The following SLC38A9 variants were observed in gnomAD, a reference collection of about 807,000 sequenced individuals.
SLC38A9 encodes the protein neutral amino acid transporter 9.
In SLC38A9, 48 loss-of-function variants were observed where a neutral mutation model predicts 62.3. That is an observed-to-expected ratio of 0.77 (90% CI 0.61 to 0.98). The LOEUF is 0.98. Among genes scored for constraint, SLC38A9 ranks in the 50% least tolerant of loss-of-function variants. SLC38A9 has a pLI of 0.00. For missense variants in SLC38A9, 541 were observed against 679.8 expected (o/e 0.80, Z 2.27); for synonymous variants, 204 against 227.7 (o/e 0.90, Z 0.94).
chr5:55,703,899 C>A (rs1756962958), intron 2 of SLC38A9: 1 of 152,164 alleles, frequency 6.6e-6, no homozygotes, highest in Non-Finnish European at 1.5e-5. Context: ...CCTGTAATCC[C>A]AGCACTTCGG....
In SLC38A9 at chr5:55,649,007, A is replaced by G. The variant is rs573724405; in HGVS notation, c.1060+200T>C. Among the ~76,000 whole-genome samples, 6 of 152,342 alleles carry G rather than the reference A, an allele frequency of 3.9e-5. No homozygotes were observed. The South Asian group carries it at 1.2e-3, about 32-fold the overall frequency. On this transcript the variant is annotated intron_variant, in intron 11 of 15. Transcript: ENST00000396865. ...CTATAACTTAAATGAATTTCAACTA[A>G]CAAGTAGAAATGACAAAGGGCCCTG... is the stretch of plus-strand genomic sequence containing the variant.
intron 11 of SLC38A9, among the ~76,000 whole-genome samples, chr5:55,647,114 AG>A (rs1746499273): frequency 6.6e-6 from 1 of 152,184 alleles, no homozygotes; most frequent in African/African-American, 2.4e-5. Context: ...AAGACTGGTG[AG>A]GGGGTATCCA....
At chr5:55,669,911 A>T in intron 4 of SLC38A9, 32 bp from the exon 5 acceptor site, 1 of 1,565,474 alleles carries the variant, frequency 6.4e-7, no homozygotes, top group Non-Finnish European at 8.6e-7. Flanking sequence ...TAAATTTCAG[A>T]ACCAGGAAAT....
chr5:55,640,993 C>T (rs540287806), intron 12 of SLC38A9, among the ~76,000 whole-genome samples: 18 of 152,030 alleles, frequency 1.2e-4, no homozygotes, highest in Non-Finnish European at 2.1e-4. Flanking sequence ...TGTGCCACCA[C>T]GCCCAGCTAA....
intron 8 of SLC38A9, among the ~76,000 whole-genome samples, chr5:55,663,540 A>T (rs1749982382): frequency 6.6e-6 from 1 of 152,042 alleles, no homozygotes; most frequent in South Asian, 2.1e-4. Context: ...GATCGAGAAC[A>T]GCCTGGCCAA....
intron 8 of SLC38A9, among the ~76,000 whole-genome samples, chr5:55,661,294 C>A (rs55703539): frequency 0.6 from 90,549 of 151,198 alleles, 27,701 homozygotes; most frequent in South Asian, 0.7. Flanking sequence ...AATACAAAAA[C>A]ATTAGCCAGG....
chr5:55,639,807 T>C (rs1745115095), intron 12 of SLC38A9, among the ~76,000 whole-genome samples: 1 of 152,178 alleles, frequency 6.6e-6, no homozygotes, highest in Non-Finnish European at 1.5e-5. Flanking sequence ...ATAGTCAAAG[T>C]GTTTAGAATG....
In SLC38A9 at chr5:55,626,435, G is replaced by T; in HGVS notation, c.*59C>A. 5.9e-6 allele frequency: 8 copies of T among 1,356,016 alleles called. No homozygotes were observed. Among genetic ancestry groups the T allele is most frequent in the South Asian group, 1.3e-5 (1 of 75,450 alleles). 84.0% of individuals were successfully genotyped at this position (1,356,016 alleles called of 1,614,324 possible). On this transcript the variant is annotated 3_prime_UTR_variant, in exon 16 of 16. Transcript: ENST00000396865. Reference sequence around the variant, plus strand: ...CAGCATTTACAAGTGAATTTATATAGAACTGTTGTCAAGGCTCAAAATATC... The same window carrying T: ...CAGCATTTACAAGTGAATTTATATATAACTGTTGTCAAGGCTCAAAATATC...
Position 55,694,399 on chromosome 5 carries a change from G to A in SLC38A9, c.113+3447C>T, listed in dbSNP as rs114589596. Among the ~76,000 whole-genome samples, 1,034 of 152,144 alleles carry A rather than the reference G, an allele frequency of 6.8e-3. 12 individuals carry two copies. The highest frequency in any genetic ancestry group is 0.024 in the African/African-American group (996 of 41,492). Reference sequence around the variant, plus strand: ...TTCTGGTAAGATCAGGAAAGTGCAAGCATCAAAACTTAAGTGTCAGTGACC... The same window carrying A: ...TTCTGGTAAGATCAGGAAAGTGCAAACATCAAAACTTAAGTGTCAGTGACC... On this transcript the variant is annotated intron_variant, in intron 3 of 15. Coordinates refer to ENST00000396865, the MANE Select transcript of SLC38A9 (RefSeq NM_173514.4).
At chr5:55,645,201 T>C (rs1308557045) in intron 12 of SLC38A9, among the ~76,000 whole-genome samples, 1 of 152,100 alleles carries the variant, frequency 6.6e-6, no homozygotes, top group Non-Finnish European at 1.5e-5. Flanking sequence ...GCTGGGACTA[T>C]AGGCATGTGC....
chr5:55,629,787 A>G (rs560065360), intron 14 of SLC38A9, among the ~76,000 whole-genome samples: 1 of 152,338 alleles, frequency 6.6e-6, no homozygotes, highest in South Asian at 2.1e-4. Flanking sequence ...TTCAAATAAA[A>G]ACTAGAATTT....
intron 3 of SLC38A9, among the ~76,000 whole-genome samples, chr5:55,679,095 T>G (rs947452702): frequency 6.6e-5 from 10 of 151,462 alleles, no homozygotes; most frequent in African/African-American, 2.4e-4. Flanking sequence ...TTTATCAAGA[T>G]TATGTCTTTC....
At chr5:55,697,816 T>C in intron 3 of SLC38A9, 30 bp downstream of exon 3, 2 of 1,181,854 alleles carry the variant, frequency 1.7e-6, no homozygotes, top group Non-Finnish European at 1.2e-6. Flanking sequence ...AGACCCTAAT[T>C]ATGAAATGTG....
chr5:55,661,182 C>G (rs1749458917), intron 8 of SLC38A9, among the ~76,000 whole-genome samples: 1 of 151,972 alleles, frequency 6.6e-6, no homozygotes, highest in Non-Finnish European at 1.5e-5. Flanking sequence ...CAGTGGCTCA[C>G]GCCTGTAATC....
At chr5:55,654,029 C>T (rs1030385179) in intron 9 of SLC38A9, among the ~76,000 whole-genome samples, 63 of 94,794 alleles carry the variant, frequency 6.6e-4, no homozygotes, top group Non-Finnish European at 1.5e-3. Context: ...ACCAGCCATT[C>T]TCATTGTTTC....
intron 11 of SLC38A9, among the ~76,000 whole-genome samples, chr5:55,646,429 T>C (rs1259185462): frequency 1.3e-5 from 2 of 152,158 alleles, no homozygotes; most frequent in East Asian, 1.9e-4. Flanking sequence ...TTTGAGGTCA[T>C]ACAACTGGTA....
chr5:55,708,538 G>A (rs1035844070), intron 2 of SLC38A9, among the ~76,000 whole-genome samples: 11 of 152,186 alleles, frequency 7.2e-5, no homozygotes, highest in African/African-American at 2.7e-4. Context: ...TAGAATCTAT[G>A]CCAAGATGCT....
At chr5:55,657,546 C>G (rs990490937) in intron 8 of SLC38A9, among the ~76,000 whole-genome samples, 1 of 149,256 alleles carries the variant, frequency 6.7e-6, no homozygotes, top group Non-Finnish European at 1.5e-5. Context: ...AGGCCATATA[C>G]GAATTGTTAT....
intron 3 of SLC38A9, among the ~76,000 whole-genome samples, chr5:55,688,426 C>T (rs1754260091): frequency 7.2e-6 from 1 of 138,830 alleles, no homozygotes. Flanking sequence ...GTTGCCCAGG[C>T]TGGAGTGCAG....
Sources: gnomAD v4.1 joint callset for allele counts (sites outside exome capture counted in the v4.1 genomes callset) on GRCh38, gnomAD v4.1.1 for gene constraint, MANE v1.5 for transcripts, NCBI Gene and HGNC (gene_info 2026-07-23, HGNC 2026-07-21) for gene names.